Variants in OLFM2 observed in about 807,000 individuals in gnomAD.
OLFM2 encodes olfactomedin 2, also known as noelin-2.
OLFM2 carries 20 observed loss-of-function variants against 43.9 expected under a neutral mutation model. The observed-to-expected ratio is 0.46, with a 90% CI of 0.32 to 0.66. OLFM2 has a LOEUF of 0.66. Ranked by LOEUF, OLFM2 falls within the 30% of genes least tolerant of loss-of-function variation. OLFM2 has a pLI of 0.04. For synonymous variants in OLFM2, 268 were observed against 278.6 expected (o/e 0.96, Z 0.38); for missense variants, 416 against 643.6 (o/e 0.65, Z 3.83).
intron 1 of OLFM2, among the ~76,000 whole-genome samples, chr19:9,915,904 G>A (rs1272458745): frequency 6.6e-6 from 1 of 152,248 alleles, no homozygotes; most frequent in Admixed American, 6.5e-5. Context: ...AACAGGAACA[G>A]CAAGTGCAAA....
chr19:9,885,163 T>G (rs895077835), intron 1 of OLFM2, among the ~76,000 whole-genome samples: 3 of 152,324 alleles, frequency 2.0e-5, no homozygotes, highest in Admixed American at 6.5e-5. Flanking sequence ...TGTGCCTCAC[T>G]TTCCCCACCT....
intron 1 of OLFM2, among the ~76,000 whole-genome samples, chr19:9,892,588 G>A (rs976587171): frequency 1.3e-5 from 2 of 152,164 alleles, no homozygotes; most frequent in African/African-American, 4.8e-5. Flanking sequence ...GCGGGTGCCT[G>A]TAGTTCCAGC....
intron 1 of OLFM2, among the ~76,000 whole-genome samples, chr19:9,872,897 T>C (rs1386288158): frequency 6.6e-6 from 1 of 152,104 alleles, no homozygotes; most frequent in Non-Finnish European, 1.5e-5. Flanking sequence ...TGTCCATCCA[T>C]CCCTCCCCAA....
chr19:9,879,059 G>A (rs775556345), intron 1 of OLFM2, among the ~76,000 whole-genome samples: 5 of 152,126 alleles, frequency 3.3e-5, no homozygotes, highest in Non-Finnish European at 4.4e-5. Flanking sequence ...GGGGCCCAGT[G>A]GGAGGTGACT....
At chr19:9,920,121 T>A (rs141999706) in intron 1 of OLFM2, among the ~76,000 whole-genome samples, 4,881 of 151,920 alleles carry the variant, frequency 0.032, 118 homozygotes, top group Middle Eastern at 0.044. Context: ...ACCAAAAAAA[T>A]TTTTTTAAGT....
intron 1 of OLFM2, among the ~76,000 whole-genome samples, chr19:9,861,851 C>T (rs2046367237): frequency 6.6e-6 from 1 of 152,112 alleles, no homozygotes; most frequent in African/African-American, 2.4e-5. Context: ...AAAGCCCCAT[C>T]TCTACTAAAA....
intron 1 of OLFM2, among the ~76,000 whole-genome samples, chr19:9,928,906 GGC>G (rs1013385857): frequency 4.6e-5 from 7 of 152,014 alleles, no homozygotes; most frequent in Non-Finnish European, 7.4e-5. Flanking sequence ...CTTGGTTTGT[GGC>G]TGCACTCTGG....
chr19:9,856,777 C>T lies in OLFM2; in HGVS notation c.687+30G>A. On this transcript the variant is annotated intron_variant, in intron 5 of 5. Transcript: ENST00000264833. This position sits in a 1 kb window ranked among gnomAD's most constrained non-coding sequence, Gnocchi z 4.0. ...TCAAAGGCTCTGTCCCTCCCAGGCC[C>T]TGACCCCAGGGGTGGGCGCAGTCAC... 6.3e-7 allele frequency: 1 copy of T among 1,581,070 alleles called. No individual in the cohort carries two copies. Among genetic ancestry groups the T allele is most frequent in the Non-Finnish European group, 8.7e-7 (1 of 1,154,506 alleles).
At position 9,857,728 on chromosome 19, in the gene OLFM2, G is replaced by C. The variant is rs761144769; in HGVS notation, c.347C>G (p.Ala116Gly). ...AGGAGGACCCACCTGGAAGCTCTTG[G>C]CCGAGAGGGACCCATCAGCTGCCCG... ...RLRAADGSLSAKSFQELKDRM... is the reference protein window; with the variant it reads ...RLRAADGSLSGKSFQELKDRM... Residue 116 changes from alanine to glycine, a missense_variant, in exon 3 of 6, where the codon GCC becomes GGC. Coordinates refer to ENST00000264833, the MANE Select transcript of OLFM2 (RefSeq NM_058164.4). The surrounding 1 kb of genome is among the most constrained non-coding windows in gnomAD (Gnocchi z 5.7). 3.7e-6 allele frequency: 6 copies of C among 1,614,152 alleles called. No individual in the cohort carries two copies. In the Admixed American group the frequency reaches 1.0e-4, roughly 27 times the overall value.
intron 1 of OLFM2, among the ~76,000 whole-genome samples, chr19:9,897,311 G>C (rs1008906428): frequency 7.1e-6 from 1 of 139,960 alleles, no homozygotes; most frequent in Non-Finnish European, 1.5e-5. Context: ...CTGGGCAACA[G>C]AGTGAGACTT....
intron 1 of OLFM2, among the ~76,000 whole-genome samples, chr19:9,899,792 A>G (rs933895251): frequency 6.6e-6 from 1 of 151,734 alleles, no homozygotes; most frequent in African/African-American, 2.4e-5. Context: ...GGACCAAGCA[A>G]TCCTCCCACC....
At chr19:9,904,456 G>A (rs575016921) in intron 1 of OLFM2, among the ~76,000 whole-genome samples, 145 of 152,038 alleles carry the variant, frequency 9.5e-4, no homozygotes, top group African/African-American at 3.4e-3. Flanking sequence ...CTCCCAAAGT[G>A]TTGGGATTAT....
chr19:9,928,477 C>T (rs1240668293), intron 1 of OLFM2, among the ~76,000 whole-genome samples: 3 of 151,976 alleles, frequency 2.0e-5, no homozygotes, highest in East Asian at 1.9e-4. Flanking sequence ...AAACTGGGAC[C>T]GAGAGTCTAC....
intron 1 of OLFM2, among the ~76,000 whole-genome samples, chr19:9,914,953 G>A (rs957277393): frequency 1.3e-4 from 20 of 152,222 alleles, no homozygotes; most frequent in African/African-American, 4.6e-4. Context: ...TCTGGCTGGG[G>A]AGGAGCGCCA....
In OLFM2 at chr19:9,856,021, C is replaced by T. The variant is rs755770563; in HGVS notation, c.687+786G>A. Among the ~76,000 whole-genome samples the T allele has an allele frequency of 6.6e-6, 1 of 152,276 alleles. No homozygotes were observed. The highest frequency in any genetic ancestry group is 1.5e-5 in the Non-Finnish European group (1 of 68,030). ...TGAATTCACTGCCATGGTTAACTAACCCCTGTCACCATGAGGTGACCAGGC... is the reference window on the plus strand; with the variant it reads ...TGAATTCACTGCCATGGTTAACTAATCCCTGTCACCATGAGGTGACCAGGC... On this transcript the variant is annotated intron_variant, in intron 5 of 5. Coordinates refer to ENST00000264833, the MANE Select transcript of OLFM2 (RefSeq NM_058164.4). The surrounding 1 kb of genome is among the most constrained non-coding windows in gnomAD (Gnocchi z 4.0).
chr19:9,900,502 C>G (rs986855302), intron 1 of OLFM2, among the ~76,000 whole-genome samples: 7 of 152,048 alleles, frequency 4.6e-5, no homozygotes, highest in Non-Finnish European at 1.0e-4. Flanking sequence ...ATAAAAACCA[C>G]GGTCTCTACC....
Position 9,857,462 on chromosome 19 carries a change from C to T in OLFM2, c.381G>A (p.Thr127=), listed in dbSNP as rs760102540. The T allele has an allele frequency of 2.0e-5, 33 of 1,613,776 alleles. No homozygotes were observed. Among genetic ancestry groups the T allele is most frequent in the Admixed American group, 3.3e-5 (2 of 59,992 alleles). ...GGACCGAGCTCAGGGGCAACAGTTC[C>T]GTCATCCTGTCCTTCAGCTCCTGTG... ...KSFQELKDRM[T]ELLPLSSVLE... is the part of the protein sequence containing the mutation. The change falls in exon 4 of 6, where the codon ACG becomes ACA. Residue 127 remains threonine (T), a synonymous_variant. Coordinates refer to ENST00000264833, the MANE Select transcript of OLFM2 (RefSeq NM_058164.4). The surrounding 1 kb of genome is among the most constrained non-coding windows in gnomAD (Gnocchi z 5.7).
chr19:9,857,811 G>A lies in OLFM2; in HGVS notation c.264C>T (p.Arg88=), dbSNP rs762562916. The part of the protein sequence containing the change: ...SMEVLELRTY[R]DLQYVRGMET... Reference sequence around the variant, plus strand: ...CCATGCCGCGTACATACTGGAGGTCGCGATACGTCCGCAACTCAAGGACCT... The same window carrying A: ...CCATGCCGCGTACATACTGGAGGTCACGATACGTCCGCAACTCAAGGACCT... Residue 88 remains arginine, a synonymous_variant, in exon 3 of 6, where the codon CGC becomes CGT. Transcript: ENST00000264833. The surrounding 1 kb of genome is among the most constrained non-coding windows in gnomAD (Gnocchi z 5.7). 1.4e-4 allele frequency: 229 copies of A among 1,613,944 alleles called. No individual in the cohort carries two copies. Among genetic ancestry groups the A allele is most frequent in the Non-Finnish European group, 1.8e-4 (209 of 1,180,026 alleles).
chr19:9,899,209 G>A (rs566144826), intron 1 of OLFM2, among the ~76,000 whole-genome samples: 5 of 151,742 alleles, frequency 3.3e-5, no homozygotes, highest in Middle Eastern at 3.4e-3. Flanking sequence ...AGGCTGCAGC[G>A]AGCCAAGTTT....
Sources: gnomAD v4.1 joint callset for allele counts (sites outside exome capture counted in the v4.1 genomes callset) on GRCh38, gnomAD v4.1.1 for gene constraint, Gnocchi (gnomAD v3.1) non-coding constraint, MANE v1.5 for transcripts, NCBI Gene and HGNC (gene_info 2026-07-23, HGNC 2026-07-21) for gene names.